The following RAP2C variants were observed in gnomAD, a reference collection of about 807,000 sequenced individuals.
The protein encoded by RAP2C is RAP2C, member of RAS oncogene family.
Under a neutral mutation model 8.9 loss-of-function variants are expected in RAP2C, and 3 were observed. The ratio of observed to expected loss-of-function variants is 0.34; its 90% CI spans 0.15 to 0.87. The LOEUF is 0.87. RAP2C is among the 40% of genes least tolerant of loss of function. RAP2C has a pLI of 0.51. For missense variants in RAP2C, 76 were observed against 133.7 expected (o/e 0.57, Z 2.13); for synonymous variants, 60 against 52.1 (o/e 1.15, Z -0.65).
At chrX:132,212,151 G>A (rs1201088931) in intron 5 of RAP2C, among the ~76,000 whole-genome samples, 1 of 110,505 alleles carries the variant, frequency 9.0e-6, no homozygotes, top group East Asian at 2.8e-4. Flanking sequence ...TTTATTTCAA[G>A]GCTAATATCT....
Position 132,217,482 on chromosome X carries a change from C to T in RAP2C, c.-214G>A, listed in dbSNP as rs919301849. 2 of 291,911 alleles carry T rather than the reference C, an allele frequency of 6.9e-6. No homozygotes were observed. The highest frequency in any genetic ancestry group is 9.8e-5 in the East Asian group (2 of 20,501). 24.1% of individuals were successfully genotyped at this position (291,911 alleles called of 1,213,427 possible). A position where few individuals can be genotyped will look rare whatever the true frequency, so the allele number is the denominator to read the frequency against. On this transcript the variant is annotated 5_prime_UTR_variant, in exon 4 of 6. Coordinates refer to ENST00000370874, the MANE Select transcript of RAP2C (RefSeq NM_001271186.2). Reference sequence around the variant, plus strand: ...GAGGGTGGGGAAGGGATGGTAATGCCCTTCCTATAGGAACTGCAGCCCGAG... The same window carrying T: ...GAGGGTGGGGAAGGGATGGTAATGCTCTTCCTATAGGAACTGCAGCCCGAG...
rs1930662931 is a variant in RAP2C, at chrX:132,217,627, C to T, written c.-359G>A. On this transcript the variant is annotated 5_prime_UTR_variant, in exon 4 of 6. Coordinates refer to ENST00000370874, the MANE Select transcript of RAP2C (RefSeq NM_001271186.2). ...CGAGGGGACCCTGCGGCGAGGCGGA[C>T]GTCGGAGGAGCCCGCAGCCCGGGGC... 6.6e-6 allele frequency: 1 copy of T among 152,615 alleles called. No homozygotes were observed. Among genetic ancestry groups the T allele is most frequent in the South Asian group, 3.0e-4 (1 of 3,382 alleles). The allele number at this position is 152,615 out of a possible 1,213,427, so 12.6% of individuals were successfully genotyped here. A position where few individuals can be genotyped will look rare whatever the true frequency, so the allele number is the denominator to read the frequency against.
intron 5 of RAP2C, among the ~76,000 whole-genome samples, chrX:132,213,366 G>A (rs1475463054): frequency 9.1e-6 from 1 of 110,279 alleles, no homozygotes; most frequent in African/African-American, 3.3e-5. Context: ...AAAAAAGTAT[G>A]AGTTTTAAAA....
rs1328873766 is a variant in RAP2C at position 132,204,567 on chromosome X, A to G, written c.*1055T>C. The G allele has an allele frequency of 8.9e-6, 1 of 112,359 alleles. No individual in the cohort carries two copies. Among genetic ancestry groups the G allele is most frequent in the East Asian group, 2.8e-4 (1 of 3,620 alleles). The allele number at this position is 112,359 out of a possible 1,213,427, so 9.3% of individuals were successfully genotyped here. On this transcript the variant is annotated 3_prime_UTR_variant, in exon 6 of 6. Transcript: ENST00000370874. The stretch of plus-strand genomic sequence containing the variant: ...GAACATGCTTCTTGAGAAATAACTA[A>G]AAAGCAATTGTGATAGTGCAAGAAA...
At chrX:132,207,716 A>C (rs1930311031) in intron 5 of RAP2C, among the ~76,000 whole-genome samples, 1 of 111,993 alleles carries the variant, frequency 8.9e-6, no homozygotes, top group African/African-American at 3.2e-5. Context: ...GTGACAGCAA[A>C]ATTTTCAATA....
chrX:132,214,583 G>C, intron 4 of RAP2C, 137 bp from the exon 5 acceptor site: 2 of 1,071,031 alleles, frequency 1.9e-6, no homozygotes, highest in Non-Finnish European at 2.4e-6. Context: ...CACCTAAACA[G>C]AGAAATCGTC....
intron 5 of RAP2C, among the ~76,000 whole-genome samples, chrX:132,212,726 G>A (rs1930465664): frequency 1.8e-5 from 2 of 112,023 alleles, no homozygotes; most frequent in African/African-American, 6.5e-5. Context: ...AATTTAAGGA[G>A]AGAGATTACA....
intron 1 of RAP2C, among the ~76,000 whole-genome samples, 185 bp downstream of exon 1, chrX:132,219,185 C>T (rs1173761348): frequency 8.9e-6 from 1 of 111,838 alleles, no homozygotes; most frequent in East Asian, 2.8e-4. Context: ...ACCCAGAAAC[C>T]TGCGAGACTC....
chrX:132,208,237 T>C (rs1930327530), intron 5 of RAP2C, among the ~76,000 whole-genome samples: 1 of 111,617 alleles, frequency 9.0e-6, no homozygotes, highest in East Asian at 2.8e-4. Context: ...CAAAGGCTCC[T>C]GAAAGGCTTA....
At chrX:132,207,322 G>A (rs1001315145) in intron 5 of RAP2C, among the ~76,000 whole-genome samples, 4 of 111,139 alleles carry the variant, frequency 3.6e-5, no homozygotes, top group African/African-American at 1.3e-4. Context: ...ATCAAATTGA[G>A]AAAGTAGTTA....
Position 132,217,327 on chromosome X carries a change from G to A in RAP2C, c.-59C>T, listed in dbSNP as rs983959132. 3.8e-5 allele frequency: 39 copies of A among 1,025,975 alleles called. No individual in the cohort carries two copies. The Admixed American group carries it at 9.6e-4, about 25-fold the overall frequency. 84.6% of individuals were successfully genotyped at this position (1,025,975 alleles called of 1,213,427 possible). ...GGGAAAGATCACCCCGCTAGCTGTG[G>A]CGCGGCTAGACGAGGCGGAAGGTGG... On this transcript the variant is annotated 5_prime_UTR_variant, in exon 4 of 6. Coordinates refer to ENST00000370874, the MANE Select transcript of RAP2C (RefSeq NM_001271186.2).
At position 132,203,027 on chromosome X, in the gene RAP2C, A is replaced by C. The variant is rs992647589; in HGVS notation, c.*2595T>G. On this transcript the variant is annotated 3_prime_UTR_variant, in exon 6 of 6. Transcript: ENST00000370874. ...CCAAATAATTAAAGAAACCAACCTC[A>C]GTAATACAGATGTCTATTTTATTAA... 2.7e-5 allele frequency: 3 copies of C among 112,243 alleles called. No individual in the cohort carries two copies. The highest frequency in any genetic ancestry group is 9.7e-5 in the African/African-American group (3 of 30,819). The allele number at this position is 112,243 out of a possible 1,213,427, so 9.3% of individuals were successfully genotyped here.
Position 132,217,053 on chromosome X carries a change from G to A in RAP2C, c.216C>T (p.Ile72=). ...EQFASMRDLY[I]KNGQGFILVY... is the part of the protein sequence containing the mutation. ...CCAGGATGAAACCTTGGCCGTTTTT[G>A]ATGTAGAGATCTCTCATGGAGGCAA... The change falls in exon 4 of 6, where the codon ATC becomes ATT. Residue 72 remains isoleucine, a synonymous_variant. Transcript: ENST00000370874. 8.5e-7 allele frequency: 1 copy of A among 1,180,818 alleles called. No homozygotes were observed. The highest frequency in any genetic ancestry group is 1.9e-5 in the South Asian group (1 of 51,988).
chrX:132,216,903 G>GC, intron 4 of RAP2C, 93 bp downstream of exon 4: 1 of 880,559 alleles, frequency 1.1e-6, no homozygotes, highest in Non-Finnish European at 1.5e-6. Flanking sequence ...CAAAAGCAAA[G>GC]CACAGTCATT....
intron 5 of RAP2C, among the ~76,000 whole-genome samples, chrX:132,213,690 T>C (rs772145229): frequency 3.6e-5 from 4 of 112,273 alleles, no homozygotes; most frequent in Non-Finnish European, 7.5e-5. Context: ...TGGTGATTAG[T>C]AAATTGGTGA....
At position 132,216,689 on chromosome X, in the gene RAP2C, C is replaced by T; in HGVS notation, c.273+307G>A. Reference sequence around the variant, plus strand: ...GTTTTGTCGTGTAAGTTAATCAATACTTGTTGAATTGAGCAAGCAACTTCA... The same window carrying T: ...GTTTTGTCGTGTAAGTTAATCAATATTTGTTGAATTGAGCAAGCAACTTCA... On this transcript the variant is annotated intron_variant, in intron 4 of 5. Coordinates refer to ENST00000370874, the MANE Select transcript of RAP2C (RefSeq NM_001271186.2). 2.7e-5 allele frequency among the ~76,000 whole-genome samples: 3 copies of T among 112,267 alleles called. 1 individual carries two copies. The South Asian group carries it at 1.1e-3, about 42-fold the overall frequency.
At chrX:132,211,285 ATAGT>A (rs1930423104) in intron 5 of RAP2C, among the ~76,000 whole-genome samples, 1 of 111,377 alleles carries the variant, frequency 9.0e-6, no homozygotes, top group African/African-American at 3.3e-5. Flanking sequence ...TACTTCTTTT[ATAGT>A]ACTATGAGAT....
At position 132,203,867 on chromosome X, in the gene RAP2C, G is replaced by A. The variant is rs1222898202; in HGVS notation, c.*1755C>T. On this transcript the variant is annotated 3_prime_UTR_variant, in exon 6 of 6. Coordinates refer to ENST00000370874, the MANE Select transcript of RAP2C (RefSeq NM_001271186.2). The stretch of plus-strand genomic sequence containing the variant: ...TTTAAGAACAAGAGTTCACTTTGAG[G>A]GAATTTGCTCAGGAATCAAATGCAA... The A allele has an allele frequency of 8.9e-6, 1 of 111,791 alleles. No individual in the cohort carries two copies. The highest frequency in any genetic ancestry group is 1.9e-5 in the Non-Finnish European group (1 of 52,962). The allele number at this position is 111,791 out of a possible 1,213,427, so 9.2% of individuals were successfully genotyped here.
intron 5 of RAP2C, among the ~76,000 whole-genome samples, chrX:132,208,300 A>G (rs750033840): frequency 1.8e-5 from 2 of 111,389 alleles, no homozygotes; most frequent in East Asian, 5.6e-4. Context: ...TCTAAATACA[A>G]TGGTATTTAC....
Sources: gnomAD v4.1 joint callset for allele counts (sites outside exome capture counted in the v4.1 genomes callset) on GRCh38, gnomAD v4.1.1 for gene constraint, MANE v1.5 for transcripts, NCBI Gene and HGNC (gene_info 2026-07-23, HGNC 2026-07-21) for gene names.